The following SEMA5A variants were observed in gnomAD, a reference collection of about 807,000 sequenced individuals.
The protein encoded by SEMA5A is semaphorin 5A.
SEMA5A carries 55 observed loss-of-function variants against 135.5 expected under a neutral mutation model. The ratio of observed to expected loss-of-function variants is 0.41; its 90% confidence interval spans 0.33 to 0.51. SEMA5A has a LOEUF of 0.51. Ranked by LOEUF, SEMA5A falls within the 20% of genes least tolerant of loss-of-function variation. The pLI, the probability that SEMA5A is intolerant of heterozygous loss-of-function variation, is 0.37. For synonymous variants in SEMA5A, 580 were observed against 546.5 expected (o/e 1.06, Z -0.85); for missense variants, 1,290 against 1,419.9 (o/e 0.91, Z 1.47).
chr5:9,197,782 G>GTGTGTGTGTGTGTA (rs1561011396), intron 9 of SEMA5A, among the ~76,000 whole-genome samples: 1 of 110,944 alleles, frequency 9.0e-6, no homozygotes, highest in Non-Finnish European at 1.7e-5. Flanking sequence ...GTGTGTGTGT[G>GTGTGTGTGTGTGTA]TGTTTTAACC....
rs1313708222 is a variant in SEMA5A, at chr5:9,041,567, C to T, written c.*1330G>A. On this transcript the variant is annotated 3_prime_UTR_variant, in exon 23 of 23. Transcript: ENST00000382496. Reference sequence around the variant, plus strand: ...GATCAGTGAAGAGACCACAGGGATCCCAAAAACCCTTACTTCCAGCTATCC... The same window carrying T: ...GATCAGTGAAGAGACCACAGGGATCTCAAAAACCCTTACTTCCAGCTATCC... 6.6e-6 allele frequency: 1 copy of T among 152,190 alleles called. No individual in the cohort carries two copies. The highest frequency in any genetic ancestry group is 2.4e-5 in the African/African-American group (1 of 41,434). The allele number at this position is 152,190 out of a possible 1,614,324, so 9.4% of individuals were successfully genotyped here.
chr5:9,082,846 C>A (rs1293832677), intron 16 of SEMA5A, among the ~76,000 whole-genome samples: 2 of 152,164 alleles, frequency 1.3e-5, no homozygotes, highest in African/African-American at 4.8e-5. Flanking sequence ...AATTATCCTA[C>A]TAGGAATATC....
At chr5:9,309,257 G>T (rs1166740423) in intron 5 of SEMA5A, among the ~76,000 whole-genome samples, 13 of 152,128 alleles carry the variant, frequency 8.5e-5, no homozygotes, top group Admixed American at 8.5e-4. Context: ...GAAGAAATCT[G>T]TTGGTACGTA....
intron 3 of SEMA5A, among the ~76,000 whole-genome samples, chr5:9,353,332 G>T (rs1754283435): frequency 8.1e-6 from 1 of 123,518 alleles, no homozygotes; most frequent in Non-Finnish European, 1.7e-5. Context: ...GGAAAGGAAA[G>T]GAAATGAAAG....
At chr5:9,147,173 C>A (rs1742383430) in intron 12 of SEMA5A, among the ~76,000 whole-genome samples, 1 of 152,158 alleles carries the variant, frequency 6.6e-6, no homozygotes, top group Non-Finnish European at 1.5e-5. Flanking sequence ...ATTTTCCATA[C>A]TAATTTTTTG....
In SEMA5A at chr5:9,042,614, C is replaced by T; in HGVS notation, c.*283G>A. On this transcript the variant is annotated 3_prime_UTR_variant, in exon 23 of 23. Coordinates refer to ENST00000382496, the MANE Select transcript of SEMA5A (RefSeq NM_003966.3). ...GGTGGCACATTTATAAAATAATGCT[C>T]AAAAAACAAACCAATGGACTTGTCA... 1.1e-5 allele frequency: 4 copies of T among 357,730 alleles called. No individual in the cohort carries two copies. The highest frequency in any genetic ancestry group is 2.0e-5 in the Non-Finnish European group (4 of 196,844). 22.2% of individuals were successfully genotyped at this position (357,730 alleles called of 1,614,324 possible).
intron 5 of SEMA5A, among the ~76,000 whole-genome samples, chr5:9,250,949 A>G (rs1301605201): frequency 6.6e-6 from 1 of 152,200 alleles, no homozygotes; most frequent in Non-Finnish European, 1.5e-5. Context: ...TATGGTTTTA[A>G]TGCTCCACCA....
chr5:9,254,829 G>T (rs1748979168), intron 5 of SEMA5A, among the ~76,000 whole-genome samples: 1 of 152,124 alleles, frequency 6.6e-6, no homozygotes, highest in Non-Finnish European at 1.5e-5. Context: ...AGGAAAAAGG[G>T]ATAGAATGTA....
At chr5:9,401,397 TA>T (rs1282978840) in intron 2 of SEMA5A, among the ~76,000 whole-genome samples, 3 of 152,178 alleles carry the variant, frequency 2.0e-5, no homozygotes, top group African/African-American at 7.2e-5. Flanking sequence ...CCTTAATTAT[TA>T]AACATGTCCT....
At chr5:9,348,900 T>G (rs1195537066) in intron 3 of SEMA5A, among the ~76,000 whole-genome samples, 1 of 152,230 alleles carries the variant, frequency 6.6e-6, no homozygotes, top group Non-Finnish European at 1.5e-5. Context: ...AGAATAGTTC[T>G]GCTACATATT....
chr5:9,101,308 T>C (rs945363941), intron 16 of SEMA5A, among the ~76,000 whole-genome samples: 5 of 152,202 alleles, frequency 3.3e-5, no homozygotes, highest in African/African-American at 1.2e-4. Flanking sequence ...ATTATAAATG[T>C]CTGGCTTTGA....
At chr5:9,456,779 C>T (rs1758853314) in intron 1 of SEMA5A, among the ~76,000 whole-genome samples, 1 of 152,280 alleles carries the variant, frequency 6.6e-6, no homozygotes, top group South Asian at 2.1e-4. Flanking sequence ...GAAGCACTGG[C>T]TCTCAGCAGA....
intron 2 of SEMA5A, among the ~76,000 whole-genome samples, chr5:9,386,159 T>G (rs1383514158): frequency 6.6e-6 from 1 of 152,134 alleles, no homozygotes; most frequent in Non-Finnish European, 1.5e-5. Flanking sequence ...TAGCCCTGTT[T>G]TAAGGGATCA....
chr5:9,108,186 C>T lies in SEMA5A; in HGVS notation c.2027G>A (p.Arg676His), dbSNP rs749497271. 6.8e-6 allele frequency: 11 copies of T among 1,613,978 alleles called. No homozygotes were observed. The change falls in exon 16 of 23, where the codon CGC (arginine) becomes CAC (histidine). Residue 676 changes from arginine to histidine, a missense_variant. Physicochemically the swap from Arg to His is conservative, Grantham distance 29. This residue lies in a region of SEMA5A where 1,029 missense variants were observed against 1,086.6 expected (regional missense o/e 0.95). Coordinates refer to ENST00000382496, the MANE Select transcript of SEMA5A (RefSeq NM_003966.3). Reference sequence around the variant, plus strand: ...AGGCCCATTCTCACAGATCCTGCGGCGAGCTTGAATGCCACCCCCGCATTG... The same window carrying T: ...AGGCCCATTCTCACAGATCCTGCGGTGAGCTTGAATGCCACCCCCGCATTG... ...TAQCGGGIQA[R>H]RRICENGPDC... is the part of the protein sequence containing the mutation.
At chr5:9,080,997 C>T (rs571465271) in intron 16 of SEMA5A, among the ~76,000 whole-genome samples, 124 of 152,292 alleles carry the variant, frequency 8.1e-4, no homozygotes, top group African/African-American at 2.8e-3. Context: ...AATCCACAAC[C>T]TCCTCGTACC....
rs1754067820 is a variant in SEMA5A, at chr5:9,350,540, T to TG, written c.125-12729dup. On this transcript the variant is annotated intron_variant, in intron 3 of 22. Coordinates refer to ENST00000382496, the MANE Select transcript of SEMA5A (RefSeq NM_003966.3). ...CAATGCAGTTTACAGTGGGGACCTG[T>TG]GGCCAGGCTGCATCTGGTTGACTTC... Among the ~76,000 whole-genome samples, 6 of 152,316 alleles carry TG rather than the reference T, an allele frequency of 3.9e-5. No homozygotes were observed. In the South Asian group the frequency reaches 1.2e-3, roughly 32 times the overall value.
intron 4 of SEMA5A, among the ~76,000 whole-genome samples, chr5:9,336,226 A>C (rs1753384663): frequency 2.6e-5 from 4 of 152,206 alleles, no homozygotes; most frequent in African/African-American, 9.6e-5. Context: ...AAGTGTAGGC[A>C]GAATAAATAA....
At chr5:9,220,542 C>T (rs1746882308) in intron 8 of SEMA5A, among the ~76,000 whole-genome samples, 1 of 151,128 alleles carries the variant, frequency 6.6e-6, no homozygotes, top group Non-Finnish European at 1.5e-5. Context: ...AAATAGAAAA[C>T]TAAGAAAAAA....
chr5:9,149,162 G>A (rs1008481017), intron 12 of SEMA5A, among the ~76,000 whole-genome samples: 1 of 152,202 alleles, frequency 6.6e-6, no homozygotes, highest in Non-Finnish European at 1.5e-5. Flanking sequence ...CATCAGCCTT[G>A]CTTGACCCAC....
Sources: allele counts gnomAD v4.1 joint callset (sites outside exome capture counted in the v4.1 genomes callset), GRCh38; gene constraint gnomAD v4.1.1; regional missense constraint gnomAD v4.1.1; transcripts MANE v1.5; gene names NCBI Gene and HGNC (gene_info 2026-07-23, HGNC 2026-07-21).